ITPKA: variants seen among roughly 807,000 people sequenced by gnomAD.
The protein encoded by ITPKA is inositol-trisphosphate 3-kinase A.
A neutral mutation model predicts 40.7 loss-of-function variants in ITPKA; 16 were observed. That is an observed-to-expected ratio of 0.39 (90% CI 0.27 to 0.60). ITPKA has a LOEUF of 0.60. Among genes scored for constraint, ITPKA ranks in the 20% least tolerant of loss-of-function variants. The probability of loss-of-function intolerance (pLI) is 0.50; values close to 1 mark genes in which losing one functional copy is unlikely to be tolerated. For synonymous variants in ITPKA, 313 were observed against 289.9 expected, an observed-to-expected ratio of 1.08 and a Z score of -0.81; for missense variants, 540 against 649.3, an observed-to-expected ratio of 0.83 and a Z score of 1.83.
chr15:41,502,999 T>A lies in ITPKA; in HGVS notation c.1219T>A (p.Cys407Ser). 1 of 1,607,660 alleles carries A rather than the reference T, an allele frequency of 6.2e-7. No homozygotes were observed. Among genetic ancestry groups the A allele is most frequent in the Non-Finnish European group, 8.5e-7 (1 of 1,176,606 alleles). ...CTCGCTCCTCTTTGTGCACGATCAC[T>A]GCCATCGCGCCGGCGTGTGGCTCAT... ...GSSLLFVHDH[C>S]HRAGVWLIDF... is the part of the protein sequence containing the mutation. The change falls in exon 7 of 7, where the codon TGC (cysteine) becomes AGC (serine). Residue 407 changes from cysteine (C) to serine (S), a missense_variant. Coordinates refer to ENST00000260386, the MANE Select transcript of ITPKA (RefSeq NM_002220.3).
In ITPKA at chr15:41,501,538, G is replaced by A. The variant is rs1263352826; in HGVS notation, c.565G>A (p.Val189Met). ...ISPFKKRYAW[V>M]QLAGHTGSFK... is the part of the protein sequence containing the mutation. ...CCCTTTCAAGAAGCGCTACGCCTGG[G>A]TGCAGCTGGCAGGGCACACTGGTGA... Residue 189 changes from valine (V) to methionine (M), a missense_variant, in exon 2 of 7, where the codon GTG becomes ATG. By Grantham distance (21) the Val-to-Met change is conservative. Transcript: ENST00000260386. 1 of 1,607,648 alleles carries A rather than the reference G, an allele frequency of 6.2e-7. No homozygotes were observed. The highest frequency in any genetic ancestry group is 1.1e-5 in the South Asian group (1 of 90,124).
intron 1 of ITPKA, among the ~76,000 whole-genome samples, chr15:41,495,587 G>A (rs1041995117): frequency 5.9e-5 from 9 of 152,350 alleles, no homozygotes; most frequent in African/African-American, 2.2e-4. Context: ...GGGTGCGCCG[G>A]CTCGGTCACT....
chr15:41,498,884 C>T (rs2140674619), intron 1 of ITPKA, among the ~76,000 whole-genome samples: 1 of 152,274 alleles, frequency 6.6e-6, no homozygotes, highest in East Asian at 1.9e-4. Context: ...CCTGCTGGGG[C>T]AGTTGGAACT....
rs2051052847 is a variant in ITPKA at position 41,494,140 on chromosome 15, G to A, written c.213G>A (p.Pro71=). Residue 71 remains proline, a synonymous_variant, in exon 1 of 7, where the codon CCG becomes CCA. Coordinates refer to ENST00000260386, the MANE Select transcript of ITPKA (RefSeq NM_002220.3). The surrounding 1 kb of genome is among the most constrained non-coding windows in gnomAD (Gnocchi z 7.8). ...GGGGACAGGTCCCCAACGGGCTTCC[G>A]CGGGCTCCCCCGGCCCCGGTGATCC... ...RRGGQVPNGL[P]RAPPAPVIPQ... 3 of 1,456,368 alleles carry A rather than the reference G, an allele frequency of 2.1e-6. No individual in the cohort carries two copies. The highest frequency in any genetic ancestry group is 9.0e-7 in the Non-Finnish European group (1 of 1,106,316). 90.2% of individuals were successfully genotyped at this position (1,456,368 alleles called of 1,614,324 possible). A position where few individuals can be genotyped will look rare whatever the true frequency, so the allele number is the denominator to read the frequency against.
At chr15:41,500,855 A>G (rs141337862) in intron 1 of ITPKA, among the ~76,000 whole-genome samples, 310 of 151,952 alleles carry the variant, frequency 2.0e-3, no homozygotes, top group African/African-American at 7.1e-3. Flanking sequence ...TAAAAATACA[A>G]AAAATTAGCC....
At chr15:41,502,686 G>T (rs967494770) in intron 5 of ITPKA, 102 bp from the exon 6 acceptor site, 5 of 1,176,484 alleles carry the variant, frequency 4.2e-6, no homozygotes, top group Non-Finnish European at 4.8e-6. Flanking sequence ...TCCTCCTGGC[G>T]GCATTTGCCA....
At chr15:41,502,696 A>C in intron 5 of ITPKA, 92 bp from the exon 6 acceptor site, 1 of 1,266,802 alleles carries the variant, frequency 7.9e-7, no homozygotes, top group South Asian at 1.4e-5. Context: ...GGCATTTGCC[A>C]AGCACAGCGT....
At position 41,494,503 on chromosome 15, in the gene ITPKA, C is replaced by A; in HGVS notation, c.489+87C>A. The A allele has an allele frequency of 2.2e-6, 2 of 897,900 alleles. No homozygotes were observed. The highest frequency in any genetic ancestry group is 2.0e-5 in the South Asian group (1 of 49,364). 55.6% of individuals were successfully genotyped at this position (897,900 alleles called of 1,614,324 possible). On this transcript the variant is annotated intron_variant, in intron 1 of 6. Transcript: ENST00000260386. The surrounding 1 kb of genome is among the most constrained non-coding windows in gnomAD (Gnocchi z 7.8). Reference sequence around the variant, plus strand: ...GTGCTCCCGGAGGACCCGCTCCTGTCCATGCTCCCTCCAGCGGAAGGTCCT... The same window carrying A: ...GTGCTCCCGGAGGACCCGCTCCTGTACATGCTCCCTCCAGCGGAAGGTCCT...
chr15:41,497,757 C>A (rs139198581), intron 1 of ITPKA, among the ~76,000 whole-genome samples: 2,400 of 152,250 alleles, frequency 0.016, 74 homozygotes, highest in African/African-American at 0.056. Flanking sequence ...CAGTGGCTCA[C>A]ACTTGTAATC....
chr15:41,499,198 T>C (rs898553653), intron 1 of ITPKA, among the ~76,000 whole-genome samples: 1 of 152,152 alleles, frequency 6.6e-6, no homozygotes, highest in Non-Finnish European at 1.5e-5. Flanking sequence ...AAACCTGGTG[T>C]GTATTTAAAG....
At chr15:41,500,616 T>G (rs2051102845) in intron 1 of ITPKA, among the ~76,000 whole-genome samples, 1 of 152,182 alleles carries the variant, frequency 6.6e-6, no homozygotes, top group Non-Finnish European at 1.5e-5. Context: ...AGCAACCCAG[T>G]AAGGATAGTT....
chr15:41,499,393 T>C (rs1566857468), intron 1 of ITPKA, among the ~76,000 whole-genome samples: 1 of 152,130 alleles, frequency 6.6e-6, no homozygotes, highest in African/African-American at 2.4e-5. Context: ...AATAGGCAGG[T>C]AGCATTTGAT....
intron 1 of ITPKA, 60 bp from the exon 2 acceptor site, chr15:41,501,403 A>G (rs1351094517): frequency 2.1e-5 from 33 of 1,551,122 alleles, no homozygotes; most frequent in Middle Eastern, 3.3e-4. Context: ...GTTTCAGTGG[A>G]GGGAGGGCTT....
chr15:41,501,853 T>A lies in ITPKA; in HGVS notation c.803+2T>A. ...GCTCGACTGCAAAATGGGCGTCAGG[T>A]ATGCGTGCCCTGCCAGGTCGGTTGG... is the stretch of plus-strand genomic sequence containing the variant. On this transcript the variant is annotated splice_donor_variant, in intron 3 of 6. Transcript: ENST00000260386. LOFTEE classifies it high-confidence loss of function. The A allele has an allele frequency of 6.2e-7, 1 of 1,612,108 alleles. No individual in the cohort carries two copies. The highest frequency in any genetic ancestry group is 8.5e-7 in the Non-Finnish European group (1 of 1,179,282).
intron 3 of ITPKA, 28 bp downstream of exon 3, chr15:41,501,879 G>C: frequency 6.2e-7 from 1 of 1,607,878 alleles, no homozygotes; most frequent in Non-Finnish European, 8.5e-7. Context: ...GGTCGGTTGG[G>C]GGGATCAAGT....
At chr15:41,501,207 C>A in intron 1 of ITPKA, 1 of 549,488 alleles carries the variant, frequency 1.8e-6, no homozygotes, top group Non-Finnish European at 2.3e-6. Flanking sequence ...GAGCGCAAAC[C>A]GGGGGCTTCA....
intron 5 of ITPKA, 122 bp from the exon 6 acceptor site, chr15:41,502,666 C>A: frequency 9.5e-7 from 1 of 1,053,670 alleles, no homozygotes; most frequent in Non-Finnish European, 1.4e-6. Flanking sequence ...CTGGGCGGGG[C>A]CCTGGGTCCT....
chr15:41,495,867 TC>T (rs2051067240), intron 1 of ITPKA, among the ~76,000 whole-genome samples: 1 of 152,214 alleles, frequency 6.6e-6, no homozygotes, highest in Non-Finnish European at 1.5e-5. Flanking sequence ...CCGCAGGGAC[TC>T]GGCGAAGTGC....
chr15:41,502,773 C>T lies in ITPKA; in HGVS notation c.1111-15C>T, dbSNP rs750108845. ...TTAGTTAATTTGCCCTCCTCTCCCA[C>T]CCCACCCTCTGCAGAGGCGGTATCT... On this transcript the variant is annotated splice_polypyrimidine_tract_variant and intron_variant, in intron 5 of 6. Coordinates refer to ENST00000260386, the MANE Select transcript of ITPKA (RefSeq NM_002220.3). 2.5e-6 allele frequency: 4 copies of T among 1,598,748 alleles called. No individual in the cohort carries two copies. The Admixed American group carries it at 5.1e-5, about 20-fold the overall frequency.
Sources: allele counts gnomAD v4.1 joint callset (sites outside exome capture counted in the v4.1 genomes callset), GRCh38; gene constraint gnomAD v4.1.1; non-coding constraint Gnocchi (gnomAD v3.1); transcripts MANE v1.5; gene names NCBI Gene and HGNC (gene_info 2026-07-23, HGNC 2026-07-21).